KCNU1: variants seen among roughly 807,000 people sequenced by gnomAD.
KCNU1 encodes potassium calcium-activated channel subfamily U member 1, also known as potassium channel subfamily U member 1.
In KCNU1, 93 loss-of-function variants were observed where a neutral mutation model predicts 126.8. The ratio of observed to expected loss-of-function variants is 0.73; its 90% CI spans 0.62 to 0.87. The LOEUF is 0.87. Among genes scored for constraint, KCNU1 ranks in the 40% least tolerant of loss-of-function variants. The pLI, the probability that KCNU1 is intolerant of heterozygous loss-of-function variation, is 0.00. For missense variants in KCNU1, 1,330 were observed against 1,367.1 expected (o/e 0.97, Z 0.43); for synonymous variants, 523 against 494.2 (o/e 1.06, Z -0.77).
intron 19 of KCNU1, among the ~76,000 whole-genome samples, chr8:36,882,446 G>T (rs1389452380): frequency 6.6e-6 from 1 of 152,166 alleles, no homozygotes; most frequent in Non-Finnish European, 1.5e-5. Context: ...TAGAATTTCT[G>T]TATTCCTGTG....
chr8:36,812,109 T>G (rs1316779698), intron 7 of KCNU1, among the ~76,000 whole-genome samples: 1 of 150,970 alleles, frequency 6.6e-6, no homozygotes, highest in Non-Finnish European at 1.5e-5. Flanking sequence ...TCAGGCCCCT[T>G]GGCTCATGCC....
At chr8:36,885,334 C>A (rs1399019523) in intron 19 of KCNU1, among the ~76,000 whole-genome samples, 1 of 152,132 alleles carries the variant, frequency 6.6e-6, no homozygotes, top group Non-Finnish European at 1.5e-5. Flanking sequence ...GCGGGCAGAT[C>A]CCCTGAGGTC....
chr8:36,874,380 T>A (rs1463575095), intron 19 of KCNU1, among the ~76,000 whole-genome samples: 1 of 152,226 alleles, frequency 6.6e-6, no homozygotes, highest in Non-Finnish European at 1.5e-5. Context: ...GGGGCAGTCC[T>A]TATGTAAAGA....
chr8:36,862,047 T>A (rs1805749556), intron 18 of KCNU1, among the ~76,000 whole-genome samples: 1 of 152,096 alleles, frequency 6.6e-6, no homozygotes, highest in African/African-American at 2.4e-5. Context: ...TATCTAGAAA[T>A]CTGTAAGGTA....
At chr8:36,910,739 C>T (rs1807837934) in intron 21 of KCNU1, among the ~76,000 whole-genome samples, 191 bp from the exon 22 acceptor site, 1 of 152,092 alleles carries the variant, frequency 6.6e-6, no homozygotes, top group Non-Finnish European at 1.5e-5. Context: ...GAAATGTATT[C>T]ACACTAAAAT....
intron 7 of KCNU1, among the ~76,000 whole-genome samples, chr8:36,810,681 G>A (rs932617700): frequency 6.6e-6 from 1 of 152,116 alleles, no homozygotes; most frequent in African/African-American, 2.4e-5. Flanking sequence ...ATTCAAAGAC[G>A]AGTATTAACT....
At chr8:36,864,014 T>C (rs1313671035) in intron 18 of KCNU1, among the ~76,000 whole-genome samples, 1 of 152,118 alleles carries the variant, frequency 6.6e-6, no homozygotes. Context: ...CCAGGCAGAA[T>C]GAATTGCAAG....
At position 36,931,041 on chromosome 8, in the gene KCNU1, A is replaced by G; in HGVS notation, c.2827A>G (p.Lys943Glu). The G allele has an allele frequency of 6.2e-7, 1 of 1,611,842 alleles. No homozygotes were observed. The highest frequency in any genetic ancestry group is 8.5e-7 in the Non-Finnish European group (1 of 1,178,776). ...GCTGGAACAACATTTAGATAAGGAT[A>G]AAGTCTATGGTGTGGCAGATAGCTG... Reference protein sequence around the residue: ...SQLEQHLDKDKVYGVADSCTS... With the variant: ...SQLEQHLDKDEVYGVADSCTS... The change falls in exon 25 of 27, where the codon AAA becomes GAA. Residue 943 changes from lysine (K) to glutamate (E), a missense_variant. Around this residue, in one of 3 missense-constraint regions of KCNU1, gnomAD observed 1,054 missense variants for 1,053.9 expected, o/e 1.00. Coordinates refer to ENST00000399881, the MANE Select transcript of KCNU1 (RefSeq NM_001031836.3).
intron 10 of KCNU1, among the ~76,000 whole-genome samples, chr8:36,821,002 A>T (rs922027126): frequency 6.6e-6 from 1 of 152,186 alleles, no homozygotes; most frequent in Non-Finnish European, 1.5e-5. Flanking sequence ...TATAGAAAAT[A>T]CTCAACAGAA....
At chr8:36,828,134 C>T (rs1804394379) in intron 10 of KCNU1, among the ~76,000 whole-genome samples, 1 of 151,898 alleles carries the variant, frequency 6.6e-6, no homozygotes. Context: ...TTTCCCTACC[C>T]CAGTGTTTAA....
chr8:36,785,788 GTTC>G (rs949600746), intron 1 of KCNU1, among the ~76,000 whole-genome samples: 3 of 152,090 alleles, frequency 2.0e-5, no homozygotes, highest in Non-Finnish European at 2.9e-5. Context: ...TCCAGGCAAT[GTTC>G]TTCTTCTCCA....
At chr8:36,789,643 A>G (rs781180612) in intron 2 of KCNU1, among the ~76,000 whole-genome samples, 3 of 152,306 alleles carry the variant, frequency 2.0e-5, no homozygotes, top group Admixed American at 6.5e-5. Context: ...CATAAATAAG[A>G]TAAATTCAGA....
At chr8:36,897,256 C>T (rs2406951) in intron 19 of KCNU1, among the ~76,000 whole-genome samples, 52,223 of 151,656 alleles carry the variant, frequency 0.34, 9,668 homozygotes, top group Admixed American at 0.42. Context: ...CTCTCTCTCC[C>T]TCTCTCTCTC....
chr8:36,918,156 G>A (rs970770875), intron 22 of KCNU1, among the ~76,000 whole-genome samples: 9 of 152,210 alleles, frequency 5.9e-5, no homozygotes, highest in Non-Finnish European at 8.8e-5. Flanking sequence ...CAGCCACTCA[G>A]TGGAGAGTAA....
intron 10 of KCNU1, among the ~76,000 whole-genome samples, chr8:36,819,549 T>C (rs1472074341): frequency 6.6e-6 from 1 of 152,070 alleles, no homozygotes; most frequent in Non-Finnish European, 1.5e-5. Flanking sequence ...ACTCTATTCA[T>C]AGTTAAATCT....
intron 19 of KCNU1, among the ~76,000 whole-genome samples, chr8:36,878,084 T>C (rs1212953358): frequency 6.6e-6 from 1 of 152,154 alleles, no homozygotes; most frequent in African/African-American, 2.4e-5. Context: ...CCCAACAATA[T>C]CTAGCTTCTC....
At chr8:36,899,610 A>C (rs1807337716) in intron 19 of KCNU1, among the ~76,000 whole-genome samples, 1 of 152,094 alleles carries the variant, frequency 6.6e-6, no homozygotes, top group African/African-American at 2.4e-5. Flanking sequence ...GTGTATGCAA[A>C]GAATCAGGAG....
At chr8:36,873,938 C>T (rs1323045664) in intron 19 of KCNU1, among the ~76,000 whole-genome samples, 1 of 152,124 alleles carries the variant, frequency 6.6e-6, no homozygotes, top group Non-Finnish European at 1.5e-5. Context: ...AAAAAAATCT[C>T]TTGCAACCTG....
At chr8:36,917,416 G>T (rs187450068) in intron 22 of KCNU1, among the ~76,000 whole-genome samples, 48 of 151,068 alleles carry the variant, frequency 3.2e-4, no homozygotes, top group Non-Finnish European at 5.0e-4. Flanking sequence ...ATAGCGTGAT[G>T]GCGGCTCACC....
Sources: gnomAD v4.1 joint callset for allele counts (sites outside exome capture counted in the v4.1 genomes callset) on GRCh38, gnomAD v4.1.1 for gene constraint, gnomAD v4.1.1 regional missense constraint, MANE v1.5 for transcripts, NCBI Gene and HGNC (gene_info 2026-07-23, HGNC 2026-07-21) for gene names.